Variants in SLC38A8 observed in about 807,000 individuals in gnomAD.
SLC38A8 encodes amino acid transporter SLC38A8.
Under a neutral mutation model 46.0 loss-of-function variants are expected in SLC38A8, and 65 were observed. The observed-to-expected ratio is 1.41, with a 90% CI of 1.16 to 1.74. The LOEUF (loss-of-function observed/expected upper bound fraction) is 1.74, where lower values mean the gene tolerates loss of function less well. Among genes scored for constraint, SLC38A8 ranks in the 40% most tolerant of loss-of-function variants. The pLI, the probability that SLC38A8 is intolerant of heterozygous loss-of-function variation, is 0.00. For missense variants in SLC38A8, 998 were observed against 567.9 expected, an observed-to-expected ratio of 1.76 and a Z score of -7.70; for synonymous variants, 447 against 243.7, an observed-to-expected ratio of 1.83 and a Z score of -7.77.
At chr16:84,016,015 G>T (rs2085020674) in intron 9 of SLC38A8, among the ~76,000 whole-genome samples, 1 of 152,142 alleles carries the variant, frequency 6.6e-6, no homozygotes, top group Admixed American at 6.5e-5. Flanking sequence ...GAGGTTTAAT[G>T]GACTCACAGT....
Position 84,036,792 on chromosome 16 carries a change from T to C in SLC38A8, c.298A>G (p.Ile100Val). 6.2e-7 allele frequency: 1 copy of C among 1,614,142 alleles called. No individual in the cohort carries two copies. The highest frequency in any genetic ancestry group is 8.5e-7 in the Non-Finnish European group (1 of 1,180,026). ...AAGCAGGCCTCACACAGCTTCCCAA[T>C]GGCAGGGCCACACAGCCCCCTGACC... ...GVVRGLCGPA[I>V]GKLCEACFLL... The change falls in exon 3 of 11, where the codon ATT (isoleucine) becomes GTT (valine). Residue 100 changes from isoleucine (I) to valine (V), a missense_variant. Ile to Val is a conservative substitution (Grantham distance 29). Transcript: ENST00000299709.
At chr16:84,030,265 G>A (rs1340698652) in intron 5 of SLC38A8, among the ~76,000 whole-genome samples, 1 of 152,106 alleles carries the variant, frequency 6.6e-6, no homozygotes, top group Non-Finnish European at 1.5e-5. Flanking sequence ...TTCGGAGGGA[G>A]CATGGCCTGA....
At chr16:84,020,115 C>A (rs1366026314) in intron 7 of SLC38A8, among the ~76,000 whole-genome samples, 1 of 151,974 alleles carries the variant, frequency 6.6e-6, no homozygotes, top group Non-Finnish European at 1.5e-5. Context: ...TGCAGTTGGA[C>A]CCCTACGCTT....
At chr16:84,023,431 G>C (rs139594798) in intron 6 of SLC38A8, among the ~76,000 whole-genome samples, 1 of 152,038 alleles carries the variant, frequency 6.6e-6, no homozygotes, top group Non-Finnish European at 1.5e-5. Context: ...TCAGTGTTCC[G>C]TTTTCTTAAG....
chr16:84,032,040 G>T, intron 4 of SLC38A8, 72 bp from the exon 5 acceptor site: 1 of 1,319,754 alleles, frequency 7.6e-7, no homozygotes, highest in Non-Finnish European at 1.1e-6. Flanking sequence ...ACAGTAGTGG[G>T]ATCTGAATCC....
At chr16:84,010,307 G>A (rs1167953616) in intron 10 of SLC38A8, among the ~76,000 whole-genome samples, 1 of 152,052 alleles carries the variant, frequency 6.6e-6, no homozygotes, top group Non-Finnish European at 1.5e-5. Flanking sequence ...CTGACCTCAA[G>A]TGATTCGCCC....
Position 84,015,224 on chromosome 16 carries a change from G to A in SLC38A8, c.1162+1295C>T, listed in dbSNP as rs897155174. 4.6e-5 allele frequency among the ~76,000 whole-genome samples: 7 copies of A among 152,086 alleles called. No homozygotes were observed. The East Asian group carries it at 9.6e-4, about 21-fold the overall frequency. ...GGCCCTGGAACACACCCCCCACTGC[G>A]GATCTGGAGTCTCTGTTCTGGGCTC... On this transcript the variant is annotated intron_variant, in intron 9 of 10. Coordinates refer to ENST00000299709, the MANE Select transcript of SLC38A8 (RefSeq NM_001080442.3).
At chr16:84,024,605 AC>A (rs1249579355) in intron 6 of SLC38A8, among the ~76,000 whole-genome samples, 2 of 151,982 alleles carry the variant, frequency 1.3e-5, no homozygotes, top group Admixed American at 6.5e-5. Flanking sequence ...ACATGGTGAA[AC>A]CCCGTCTCTA....
At chr16:84,017,572 C>T (rs2085045507) in intron 7 of SLC38A8, among the ~76,000 whole-genome samples, 1 of 152,194 alleles carries the variant, frequency 6.6e-6, no homozygotes, top group Non-Finnish European at 1.5e-5. Flanking sequence ...TGACTAGAAG[C>T]ACAGAGCACT....
In SLC38A8 at chr16:84,017,121, C is replaced by T. The variant is rs753202273; in HGVS notation, c.953+19G>A. The T allele has an allele frequency of 1.2e-6, 2 of 1,613,402 alleles. No individual in the cohort carries two copies. The highest frequency in any genetic ancestry group is 1.7e-6 in the Non-Finnish European group (2 of 1,179,818). ...AGCAGACCATGCTTCACGGTGCCCC[C>T]CACTGAGCCAGGCCTCACCTCCCCA... is the stretch of plus-strand genomic sequence containing the variant. On this transcript the variant is annotated intron_variant, in intron 8 of 10. Transcript: ENST00000299709.
At chr16:84,035,099 G>C (rs1228859573) in intron 3 of SLC38A8, among the ~76,000 whole-genome samples, 1 of 152,150 alleles carries the variant, frequency 6.6e-6, no homozygotes, top group Non-Finnish European at 1.5e-5. Context: ...ACCCAGACCT[G>C]GGGTGGCCCG....
At chr16:84,033,516 G>C (rs577884292) in intron 3 of SLC38A8, 47 bp from the exon 4 acceptor site, 2 of 1,529,802 alleles carry the variant, frequency 1.3e-6, no homozygotes, top group South Asian at 2.6e-5. Context: ...CAAATGCCGT[G>C]GGTTCTCGGC....
At chr16:84,030,086 G>T (rs1260571984) in intron 5 of SLC38A8, among the ~76,000 whole-genome samples, 2 of 152,186 alleles carry the variant, frequency 1.3e-5, no homozygotes, top group African/African-American at 4.8e-5. Flanking sequence ...GTGGATTAGG[G>T]TGAGCCTGAA....
At chr16:84,020,963 T>C (rs752038633) in intron 7 of SLC38A8, among the ~76,000 whole-genome samples, 7 of 152,224 alleles carry the variant, frequency 4.6e-5, no homozygotes, top group African/African-American at 9.6e-5. Context: ...ATTTTTTGCC[T>C]GTTCCAGCAT....
intron 7 of SLC38A8, among the ~76,000 whole-genome samples, chr16:84,021,570 T>G (rs557629381): frequency 6.6e-6 from 1 of 152,310 alleles, no homozygotes; most frequent in East Asian, 1.9e-4. Context: ...TTCCAAATGT[T>G]CCCTAGTCTT....
chr16:84,022,722 T>C (rs2055843), intron 7 of SLC38A8, 53 bp downstream of exon 7: 1 of 563,788 alleles, frequency 1.8e-6, no homozygotes, highest in Non-Finnish European at 2.9e-6. Flanking sequence ...CTGTTACTCT[T>C]GTTTCTACTG....
intron 4 of SLC38A8, 68 bp from the exon 5 acceptor site, chr16:84,032,036 G>C (rs1158682942): frequency 2.9e-6 from 4 of 1,367,080 alleles, no homozygotes; most frequent in African/African-American, 1.4e-5. Flanking sequence ...GGGGACAGTA[G>C]TGGGATCTGA....
intron 7 of SLC38A8, among the ~76,000 whole-genome samples, chr16:84,019,328 C>T (rs949472385): frequency 1.3e-5 from 2 of 152,132 alleles, no homozygotes; most frequent in Non-Finnish European, 2.9e-5. Context: ...CCTGCCTCAG[C>T]CTACCATAAT....
chr16:84,019,111 G>A (rs1002301430), intron 7 of SLC38A8, among the ~76,000 whole-genome samples: 4 of 151,122 alleles, frequency 2.6e-5, no homozygotes, highest in African/African-American at 4.9e-5. Flanking sequence ...GATGGAGTCT[G>A]TCACCCAGGC....
Sources: gnomAD v4.1 joint callset for allele counts (sites outside exome capture counted in the v4.1 genomes callset) on GRCh38, gnomAD v4.1.1 for gene constraint, MANE v1.5 for transcripts, NCBI Gene and HGNC (gene_info 2026-07-23, HGNC 2026-07-21) for gene names.